VDAC1: variants seen among roughly 807,000 people sequenced by gnomAD.
The protein encoded by VDAC1 is voltage dependent anion channel 1, also known as non-selective voltage-gated ion channel VDAC1.
In VDAC1, 10 loss-of-function variants were observed where a neutral mutation model predicts 34.7. That is an observed-to-expected ratio of 0.29 (90% CI 0.18 to 0.49). The LOEUF (loss-of-function observed/expected upper bound fraction) is 0.49, where lower values mean the gene tolerates loss of function less well. Among genes scored for constraint, VDAC1 ranks in the 20% least tolerant of loss-of-function variants. The pLI, the probability that VDAC1 is intolerant of heterozygous loss-of-function variation, is 0.99. For missense variants in VDAC1, 230 were observed against 347.9 expected (o/e 0.66, Z 2.69); for synonymous variants, 130 against 136.0 (o/e 0.96, Z 0.30).
At chr5:134,095,599 GT>G in the VDAC1 span, among the ~76,000 whole-genome samples, 2 of 152,152 alleles carry the variant, frequency 1.3e-5, no homozygotes, top group African/African-American at 4.8e-5. Context: ...CAAGACTGGG[GT>G]TTATTGGAAT....
chr5:134,109,552 C>T, the VDAC1 span, among the ~76,000 whole-genome samples: 1 of 152,210 alleles, frequency 6.6e-6, no homozygotes, highest in Admixed American at 6.5e-5. Context: ...GTTGAATCAG[C>T]TGAGGTCAGG....
the VDAC1 span, among the ~76,000 whole-genome samples, chr5:134,018,924 G>A: frequency 1.3e-5 from 2 of 151,994 alleles, no homozygotes; most frequent in Admixed American, 6.6e-5. Flanking sequence ...TTACCCCTAC[G>A]CATCATCACC....
At chr5:134,002,715 A>G (rs1004626989) in intron 1 of VDAC1, among the ~76,000 whole-genome samples, 5 of 152,194 alleles carry the variant, frequency 3.3e-5, no homozygotes, top group Non-Finnish European at 5.9e-5. Flanking sequence ...GTGTAATCCC[A>G]GCACTTTGGG....
At chr5:134,026,966 G>T in the VDAC1 span, among the ~76,000 whole-genome samples, 1 of 152,198 alleles carries the variant, frequency 6.6e-6, no homozygotes, top group Non-Finnish European at 1.5e-5. Context: ...TTCTGACCCA[G>T]TTCCAAGGGC....
the VDAC1 span, among the ~76,000 whole-genome samples, chr5:134,043,624 C>T: frequency 2.0e-5 from 3 of 152,206 alleles, no homozygotes; most frequent in African/African-American, 4.8e-5. Context: ...CCTCAACCTC[C>T]AGGCTCAAGT....
the VDAC1 span, among the ~76,000 whole-genome samples, chr5:134,035,047 C>T: frequency 2.0e-5 from 3 of 152,014 alleles, no homozygotes; most frequent in South Asian, 6.2e-4. Flanking sequence ...AGCAACGACA[C>T]TCCCAACAAT....
the VDAC1 span, among the ~76,000 whole-genome samples, chr5:134,054,260 G>A: frequency 2.2e-3 from 332 of 152,212 alleles, 2 homozygotes; most frequent in African/African-American, 7.6e-3. Context: ...GGTGGCTAGG[G>A]CGGGGCTGCC....
the VDAC1 span, among the ~76,000 whole-genome samples, chr5:134,092,243 T>C: frequency 2.0e-5 from 3 of 152,256 alleles, no homozygotes; most frequent in African/African-American, 7.2e-5. Context: ...AATTCCAGAC[T>C]GTGAGTAATT....
At chr5:134,111,339 C>A in the VDAC1 span, among the ~76,000 whole-genome samples, 2 of 152,154 alleles carry the variant, frequency 1.3e-5, no homozygotes, top group Non-Finnish European at 1.5e-5. Context: ...AATCACCAGC[C>A]CTGGCCTGGT....
chr5:134,050,884 A>G, the VDAC1 span, among the ~76,000 whole-genome samples: 130,946 of 152,156 alleles, frequency 0.86, 56,508 homozygotes, highest in African/African-American at 0.92. Context: ...ACCCCTTCCC[A>G]GCAAAAAAGC....
rs755011098 is a variant in VDAC1 at position 133,980,734 on chromosome 5, A to G, written c.546T>C (p.Thr182=). 3.9e-6 allele frequency: 6 copies of G among 1,540,298 alleles called. No homozygotes were observed. In the East Asian group the frequency reaches 1.2e-4, roughly 32 times the overall value. ...CTGCCCCCATGTACACTTACACATTAGTGTGAAGCTGGAATTCATCAGTCT... is the reference window on the plus strand; with the variant it reads ...CTGCCCCCATGTACACTTACACATTGGTGTGAAGCTGGAATTCATCAGTCT... ...GYKTDEFQLH[T]NVNDGTEFGG... The change falls in exon 6 of 9, where the codon ACT becomes ACC. Residue 182 remains threonine, a synonymous_variant. Transcript: ENST00000265333.
At chr5:134,014,538 A>G in the VDAC1 span, among the ~76,000 whole-genome samples, 1 of 152,144 alleles carries the variant, frequency 6.6e-6, no homozygotes, top group Non-Finnish European at 1.5e-5. Flanking sequence ...ATATTTCTCA[A>G]AGAACTAAAA....
chr5:134,062,730 G>A, the VDAC1 span, among the ~76,000 whole-genome samples: 1 of 151,552 alleles, frequency 6.6e-6, no homozygotes, highest in African/African-American at 2.4e-5. Flanking sequence ...AGATTCAAGC[G>A]ATTCTCCCGC....
In VDAC1 at chr5:133,972,584, T is replaced by C. The variant is rs912580917; in HGVS notation, c.*187A>G. ...CGAGTCTACCACTGAAAGGACCTTT[T>C]TTGGAAATAGGTTTCTTCTGTACCT... On this transcript the variant is annotated 3_prime_UTR_variant, in exon 9 of 9. Transcript: ENST00000265333. The C allele has an allele frequency of 9.8e-6, 5 of 512,470 alleles. No homozygotes were observed. In the African/African-American group the frequency reaches 9.8e-5, roughly 10 times the overall value. 31.7% of individuals were successfully genotyped at this position (512,470 alleles called of 1,614,324 possible).
chr5:134,039,728 G>A, the VDAC1 span, among the ~76,000 whole-genome samples: 2 of 152,168 alleles, frequency 1.3e-5, no homozygotes, highest in African/African-American at 4.8e-5. Flanking sequence ...ACGAGGTGGC[G>A]CCAGAAGCTG....
the VDAC1 span, among the ~76,000 whole-genome samples, chr5:134,020,570 C>T: frequency 2.6e-5 from 4 of 152,068 alleles, no homozygotes; most frequent in African/African-American, 9.7e-5. Flanking sequence ...GTCATAAGGC[C>T]CTGGGCCATA....
chr5:134,104,040 C>A, the VDAC1 span, among the ~76,000 whole-genome samples: 1 of 152,196 alleles, frequency 6.6e-6, no homozygotes, highest in African/African-American at 2.4e-5. Context: ...CCCGGCCCAC[C>A]CTGAGCCCTG....
intron 5 of VDAC1, among the ~76,000 whole-genome samples, chr5:133,984,918 AGAGT>A (rs1362285938): frequency 3.3e-5 from 5 of 152,348 alleles, no homozygotes; most frequent in African/African-American, 1.2e-4. Flanking sequence ...CCCGGGTGAC[AGAGT>A]GAGACTGTCT....
At position 133,994,211 on chromosome 5, in the gene VDAC1, C is replaced by T. The variant is rs563345270; in HGVS notation, c.-6-1193G>A. ...GCATTCTTGGCCAAAGCTTTAACTT[C>T]AAAGGCATTGCAGGAGGCCACAGAC... On this transcript the variant is annotated intron_variant, in intron 1 of 8. Transcript: ENST00000265333. 2.0e-5 allele frequency among the ~76,000 whole-genome samples: 3 copies of T among 152,246 alleles called. No homozygotes were observed. The East Asian group carries it at 5.8e-4, about 29-fold the overall frequency.
Sources: gnomAD v4.1 joint callset for allele counts (sites outside exome capture counted in the v4.1 genomes callset) on GRCh38, gnomAD v4.1.1 for gene constraint, MANE v1.5 for transcripts, NCBI Gene and HGNC (gene_info 2026-07-23, HGNC 2026-07-21) for gene names.